Variants in NAV2 observed in about 807,000 individuals in gnomAD.
NAV2 encodes the protein neuron navigator 2, also known as helicase, APC down-regulated 1.
A neutral mutation model predicts 223.2 loss-of-function variants in NAV2; 54 were observed. That is an observed-to-expected ratio of 0.24 (90% CI 0.19 to 0.30). The LOEUF (loss-of-function observed/expected upper bound fraction) is 0.30, where lower values mean the gene tolerates loss of function less well. NAV2 is among the 10% of genes least tolerant of loss of function. The probability of loss-of-function intolerance (pLI) is 1.00; values close to 1 mark genes in which losing one functional copy is unlikely to be tolerated. For synonymous variants in NAV2, 1,279 were observed against 1,239.3 expected, an observed-to-expected ratio of 1.03 and a Z score of -0.67; for missense variants, 2,806 against 3,147.5, an observed-to-expected ratio of 0.89 and a Z score of 2.60.
chr11:19,351,677 C>A (rs1398164407), intron 1 of NAV2, among the ~76,000 whole-genome samples: 1 of 152,066 alleles, frequency 6.6e-6, no homozygotes, highest in Non-Finnish European at 1.5e-5. Context: ...GAAGCTACAT[C>A]TTCTCACTCT....
rs750345062 is a variant in NAV2, at chr11:19,933,152, G to A, written c.932-24G>A. The A allele has an allele frequency of 2.7e-6, 4 of 1,500,276 alleles. No individual in the cohort carries two copies. The highest frequency in any genetic ancestry group is 1.4e-5 in the South Asian group (1 of 70,894). 92.9% of individuals were successfully genotyped at this position (1,500,276 alleles called of 1,614,324 possible). On this transcript the variant is annotated intron_variant, in intron 6 of 37. Coordinates refer to ENST00000349880, the MANE Select transcript of NAV2 (RefSeq NM_145117.5). This position sits in a 1 kb window ranked among gnomAD's most constrained non-coding sequence, Gnocchi z 4.3. The stretch of plus-strand genomic sequence containing the variant: ...GTGCAGGTCAACAAGTATGATTCAG[G>A]CCTCCTCTCTTCTGTCTCTGCAGAG...
chr11:20,054,284 G>A, intron 18 of NAV2, 44 bp downstream of exon 18: 3 of 1,544,514 alleles, frequency 1.9e-6, no homozygotes, highest in Non-Finnish European at 2.6e-6. Context: ...AGCTCCACAG[G>A]GCAGTGGTTA....
intron 22 of NAV2, among the ~76,000 whole-genome samples, chr11:20,069,335 G>C (rs1203596238): frequency 1.3e-5 from 2 of 152,108 alleles, no homozygotes; most frequent in African/African-American, 4.8e-5. Flanking sequence ...AGGGTGGAGA[G>C]GGGACAGAAG....
chr11:19,380,106 GT>G (rs1158133484), intron 1 of NAV2, among the ~76,000 whole-genome samples: 1 of 151,958 alleles, frequency 6.6e-6, no homozygotes, highest in Non-Finnish European at 1.5e-5. Flanking sequence ...TCCCCTTATT[GT>G]TGCCATGTTA....
intron 1 of NAV2, among the ~76,000 whole-genome samples, chr11:19,636,062 A>C (rs1201944827): frequency 6.6e-6 from 1 of 152,226 alleles, no homozygotes; most frequent in African/African-American, 2.4e-5. Context: ...AACTTATCTG[A>C]GAGCTGTTTT....
chr11:19,351,338 C>T (rs534445238), intron 1 of NAV2, among the ~76,000 whole-genome samples: 1 of 152,336 alleles, frequency 6.6e-6, no homozygotes, highest in East Asian at 1.9e-4. Flanking sequence ...TTTCTTTGTA[C>T]TGAAGCCCCC....
intron 1 of NAV2, among the ~76,000 whole-genome samples, chr11:19,510,594 G>A (rs2043247483): frequency 6.6e-6 from 1 of 152,214 alleles, no homozygotes; most frequent in African/African-American, 2.4e-5. Context: ...TAATTACGTT[G>A]GCAGAGATGG....
intron 1 of NAV2, among the ~76,000 whole-genome samples, chr11:19,591,671 C>T (rs2135147686): frequency 6.6e-6 from 1 of 152,234 alleles, no homozygotes; most frequent in African/African-American, 2.4e-5. Context: ...AGATAAAATT[C>T]CACGGTCCAG....
chr11:19,840,606 G>A (rs1373860220), intron 2 of NAV2, among the ~76,000 whole-genome samples: 1 of 152,170 alleles, frequency 6.6e-6, no homozygotes, highest in Non-Finnish European at 1.5e-5. Flanking sequence ...CCAATGTTGA[G>A]TGTCAAAATC....
chr11:20,050,175 G>A (rs940610777), intron 16 of NAV2, among the ~76,000 whole-genome samples: 6 of 152,082 alleles, frequency 3.9e-5, no homozygotes, highest in African/African-American at 7.2e-5. Context: ...GGAAGCTCTC[G>A]CTTGCATCTC....
intron 5 of NAV2, among the ~76,000 whole-genome samples, chr11:19,885,674 G>A (rs980432959): frequency 6.6e-6 from 1 of 152,010 alleles, no homozygotes; most frequent in Non-Finnish European, 1.5e-5. Context: ...ATATCTATAG[G>A]GTTAGGAGGA....
At chr11:20,078,545 A>G (rs2012550) in intron 24 of NAV2, among the ~76,000 whole-genome samples, 134,246 of 152,184 alleles carry the variant, frequency 0.88, 59,307 homozygotes, top group East Asian at 0.96. Flanking sequence ...TGCAACCTCT[A>G]CTTCCCGGGT....
chr11:19,372,993 C>T (rs1040233173), intron 1 of NAV2, among the ~76,000 whole-genome samples: 30 of 152,336 alleles, frequency 2.0e-4, no homozygotes, highest in South Asian at 1.5e-3. Context: ...CTATGAGGGA[C>T]AACGAACATT....
chr11:19,911,652 T>C (rs535080248), intron 6 of NAV2, among the ~76,000 whole-genome samples: 1 of 152,102 alleles, frequency 6.6e-6, no homozygotes, highest in Non-Finnish European at 1.5e-5. Flanking sequence ...ACTCTAAGAA[T>C]TCTTCATCAG....
intron 6 of NAV2, among the ~76,000 whole-genome samples, chr11:19,918,315 T>C (rs2043978995): frequency 6.6e-6 from 1 of 152,270 alleles, no homozygotes. Flanking sequence ...GATTGACAGC[T>C]GGGAGTGGTT....
chr11:19,565,528 G>A (rs1159284085), intron 1 of NAV2, among the ~76,000 whole-genome samples: 1 of 152,168 alleles, frequency 6.6e-6, no homozygotes, highest in East Asian at 1.9e-4. Flanking sequence ...GAACCCAGGA[G>A]TCAGGACATC....
At chr11:19,766,912 G>T (rs541657067) in intron 1 of NAV2, among the ~76,000 whole-genome samples, 20 of 152,286 alleles carry the variant, frequency 1.3e-4, no homozygotes, top group South Asian at 4.2e-4. Flanking sequence ...AGGCCCCTTG[G>T]GGGGTGGACT....
intron 1 of NAV2, among the ~76,000 whole-genome samples, chr11:19,433,408 C>G (rs182871400): frequency 6.6e-6 from 1 of 152,272 alleles, no homozygotes; most frequent in African/African-American, 2.4e-5. Context: ...CAAGGTGCCC[C>G]GCAAGCATGA....
At chr11:19,400,634 G>A (rs2133303823) in intron 1 of NAV2, among the ~76,000 whole-genome samples, 1 of 152,310 alleles carries the variant, frequency 6.6e-6, no homozygotes, top group East Asian at 1.9e-4. Context: ...TAACTCGCAT[G>A]TCATTAGAAG....
Sources: gnomAD v4.1 joint callset for allele counts (sites outside exome capture counted in the v4.1 genomes callset) on GRCh38, gnomAD v4.1.1 for gene constraint, Gnocchi (gnomAD v3.1) non-coding constraint, MANE v1.5 for transcripts, NCBI Gene and HGNC (gene_info 2026-07-23, HGNC 2026-07-21) for gene names.